NHS: variants seen among roughly 807,000 people sequenced by gnomAD.
NHS encodes NHS actin remodeling regulator, also known as actin remodeling regulator NHS.
A neutral mutation model predicts 72.5 loss-of-function variants in NHS; 5 were observed. That is an observed-to-expected ratio of 0.07 (90% confidence interval 0.04 to 0.14). The LOEUF (loss-of-function observed/expected upper bound fraction) is 0.14, where lower values mean the gene tolerates loss of function less well. NHS is among the 10% of genes least tolerant of loss of function. NHS has a pLI of 1.00. For synonymous variants in NHS, 464 were observed against 547.7 expected (o/e 0.85, Z 2.13); for missense variants, 1,072 against 1,355.7 (o/e 0.79, Z 3.29).
intron 3 of NHS, among the ~76,000 whole-genome samples, chrX:17,704,406 T>A (rs2066283983): frequency 9.0e-6 from 1 of 111,049 alleles, no homozygotes; most frequent in Non-Finnish European, 1.9e-5. Context: ...GTTCATGCCA[T>A]TCTCCTGCCT....
intron 1 of NHS, among the ~76,000 whole-genome samples, chrX:17,654,104 C>T (rs906446286): frequency 8.9e-6 from 1 of 111,734 alleles, no homozygotes; most frequent in Non-Finnish European, 1.9e-5. Context: ...ACTGACCCCT[C>T]GGTGACATTT....
chrX:17,415,056 TA>T (rs1475049236), intron 1 of NHS, among the ~76,000 whole-genome samples: 4 of 111,027 alleles, frequency 3.6e-5, no homozygotes, highest in Non-Finnish European at 7.6e-5. Flanking sequence ...GGATATCACA[TA>T]GGGGTGGAGA....
At chrX:17,630,329 G>A (rs747306642) in intron 1 of NHS, among the ~76,000 whole-genome samples, 3 of 107,067 alleles carry the variant, frequency 2.8e-5, no homozygotes, top group South Asian at 8.8e-4. Context: ...TGTAAAAGGG[G>A]ACCTTGGGCC....
At chrX:17,722,727 A>T (rs917767845) in intron 5 of NHS, among the ~76,000 whole-genome samples, 1 of 110,917 alleles carries the variant, frequency 9.0e-6, no homozygotes, top group Admixed American at 9.6e-5. Flanking sequence ...TCTAAATGGG[A>T]TGTATTAGGG....
At chrX:17,408,899 G>T (rs974442377) in intron 1 of NHS, among the ~76,000 whole-genome samples, 1 of 111,143 alleles carries the variant, frequency 9.0e-6, no homozygotes, top group Non-Finnish European at 1.9e-5. Flanking sequence ...AGATAACTGC[G>T]TTCTTGCTGT....
intron 1 of NHS, among the ~76,000 whole-genome samples, chrX:17,656,449 G>T (rs1200408331): frequency 1.8e-5 from 2 of 112,024 alleles, no homozygotes. Flanking sequence ...TCTGGGTGCT[G>T]GGTGAACTTG....
intron 1 of NHS, among the ~76,000 whole-genome samples, chrX:17,495,448 G>C (rs2065008332): frequency 8.9e-6 from 1 of 111,891 alleles, no homozygotes; most frequent in Non-Finnish European, 1.9e-5. Context: ...TACTTGTATA[G>C]GTTTGTTTCG....
At chrX:17,690,660 G>A (rs999810166) in intron 2 of NHS, among the ~76,000 whole-genome samples, 5 of 112,320 alleles carry the variant, frequency 4.5e-5, no homozygotes, top group African/African-American at 1.6e-4. Flanking sequence ...GTCTAGTGGA[G>A]AGACAGACAA....
At chrX:17,434,921 G>A (rs1239847790) in intron 1 of NHS, among the ~76,000 whole-genome samples, 1 of 111,813 alleles carries the variant, frequency 8.9e-6, no homozygotes, top group Non-Finnish European at 1.9e-5. Flanking sequence ...GGAAAACTAG[G>A]GGTGTTATGG....
intron 1 of NHS, among the ~76,000 whole-genome samples, chrX:17,656,661 C>T (rs1318513400): frequency 8.9e-6 from 1 of 112,454 alleles, no homozygotes; most frequent in Non-Finnish European, 1.9e-5. Flanking sequence ...CATATTGCAG[C>T]TGCAGCTTTT....
intron 1 of NHS, among the ~76,000 whole-genome samples, chrX:17,480,393 T>A (rs1384356145): frequency 8.9e-6 from 1 of 112,006 alleles, no homozygotes; most frequent in Non-Finnish European, 1.9e-5. Context: ...ACTACAAGGC[T>A]ACAGTAACCA....
intron 1 of NHS, among the ~76,000 whole-genome samples, chrX:17,661,149 G>A (rs1569303147): frequency 9.0e-6 from 1 of 111,673 alleles, no homozygotes; most frequent in African/African-American, 3.3e-5. Flanking sequence ...TGTCTCAAAG[G>A]TATCCATTTT....
At chrX:17,588,812 T>C (rs1007751099) in intron 1 of NHS, among the ~76,000 whole-genome samples, 1 of 112,017 alleles carries the variant, frequency 8.9e-6, no homozygotes, top group African/African-American at 3.2e-5. Flanking sequence ...TGTACAGATA[T>C]AGCAGGGTTC....
chrX:17,709,500 T>C (rs1289527684), intron 3 of NHS, among the ~76,000 whole-genome samples: 1 of 111,687 alleles, frequency 9.0e-6, no homozygotes, highest in Admixed American at 9.5e-5. Flanking sequence ...ATGTGCTTTA[T>C]CAGTCAGGCT....
At chrX:17,708,023 C>T (rs56325856) in intron 3 of NHS, among the ~76,000 whole-genome samples, 6,990 of 111,715 alleles carry the variant, frequency 0.063, 466 homozygotes, top group East Asian at 0.34. Context: ...TTTACAAGCT[C>T]TCTCAGAAGT....
At chrX:17,660,313 T>G (rs1473184724) in intron 1 of NHS, among the ~76,000 whole-genome samples, 1 of 112,548 alleles carries the variant, frequency 8.9e-6, no homozygotes, top group Non-Finnish European at 1.9e-5. Context: ...TAACCTTTGG[T>G]GCAAGATTAA....
Position 17,433,130 on chromosome X carries a change from C to T in NHS, c.565+56808C>T, listed in dbSNP as rs769512394. Among the ~76,000 whole-genome samples the T allele has an allele frequency of 1.2e-4, 13 of 107,828 alleles. No individual in the cohort carries two copies. The South Asian group carries it at 3.4e-3, about 28-fold the overall frequency. 93.6% of individuals were successfully genotyped at this position (107,828 alleles called of 115,157 possible). On this transcript the variant is annotated intron_variant, in intron 1 of 8. Transcript: ENST00000676302. The stretch of plus-strand genomic sequence containing the variant: ...CTGCAAGCTCTCCCTCCCAGGTTCA[C>T]GCCATTCTCCTGCCTCAGCCTCCCG...
rs774957282 is a variant in NHS, at chrX:17,725,964, C to T, written c.1858C>T (p.His620Tyr). ...CACGGCTGGCGTCCTCCTTAGCAGC[C>T]ACATGGACCAGAAAGATGACCACCA... Reference protein sequence around the residue: ...ISTAGVLLSSHMDQKDDHQSS... With the variant: ...ISTAGVLLSSYMDQKDDHQSS... Residue 620 changes from histidine to tyrosine, a missense_variant, in exon 7 of 9, where the codon CAC becomes TAC. His to Tyr is a moderately conservative substitution (Grantham distance 83). Transcript: ENST00000676302. 8.3e-7 allele frequency: 1 copy of T among 1,209,755 alleles called. No individual in the cohort carries two copies. The highest frequency in any genetic ancestry group is 1.8e-5 in the African/African-American group (1 of 57,085).
At chrX:17,641,731 A>G (rs2065881818) in intron 1 of NHS, among the ~76,000 whole-genome samples, 1 of 108,616 alleles carries the variant, frequency 9.2e-6, no homozygotes, top group Admixed American at 9.8e-5. Context: ...CCAAATATCC[A>G]TGTGTGATTA....
Sources: gnomAD v4.1 joint callset for allele counts (sites outside exome capture counted in the v4.1 genomes callset) on GRCh38, gnomAD v4.1.1 for gene constraint, MANE v1.5 for transcripts, NCBI Gene and HGNC (gene_info 2026-07-23, HGNC 2026-07-21) for gene names.